SMG1: variants seen among roughly 807,000 people sequenced by gnomAD.
SMG1 encodes serine/threonine-protein kinase SMG1.
SMG1 carries 22 observed loss-of-function variants against 419.9 expected under a neutral mutation model. The ratio of observed to expected loss-of-function variants is 0.05; its 90% CI spans 0.04 to 0.07. The LOEUF (loss-of-function observed/expected upper bound fraction) is 0.07, where lower values mean the gene tolerates loss of function less well. Among genes scored for constraint, SMG1 ranks in the 10% least tolerant of loss-of-function variants. The probability of loss-of-function intolerance (pLI) is 1.00; values close to 1 mark genes in which losing one functional copy is unlikely to be tolerated. For synonymous variants in SMG1, 1,538 were observed against 1,553.5 expected, an observed-to-expected ratio of 0.99 and a Z score of 0.23; for missense variants, 3,185 against 4,342.0, an observed-to-expected ratio of 0.73 and a Z score of 7.49.
chr16:18,921,177 T>G (rs987726356), intron 1 of SMG1, among the ~76,000 whole-genome samples: 2 of 123,774 alleles, frequency 1.6e-5, no homozygotes, highest in African/African-American at 6.1e-5. Flanking sequence ...AGAGGAAAAA[T>G]AAATAAATTA....
intron 6 of SMG1, among the ~76,000 whole-genome samples, chr16:18,885,897 G>C (rs2036592159): frequency 6.6e-6 from 1 of 151,912 alleles, no homozygotes. Context: ...AGTGAGCTGA[G>C]ATTGCACTGC....
intron 22 of SMG1, among the ~76,000 whole-genome samples, 159 bp from the exon 23 acceptor site, chr16:18,866,934 T>C (rs2035543403): frequency 6.6e-6 from 1 of 152,162 alleles, no homozygotes; most frequent in Admixed American, 6.5e-5. Context: ...TTTAAAATGT[T>C]ACATATAAAA....
chr16:18,884,522 T>C (rs1380510149), intron 8 of SMG1, among the ~76,000 whole-genome samples: 1 of 152,186 alleles, frequency 6.6e-6, no homozygotes, highest in Non-Finnish European at 1.5e-5. Flanking sequence ...ATTAAAGGTG[T>C]ATACTCATCT....
intron 1 of SMG1, among the ~76,000 whole-genome samples, chr16:18,914,303 A>G (rs1198895464): frequency 1.3e-5 from 2 of 152,196 alleles, no homozygotes; most frequent in African/African-American, 2.4e-5. Context: ...ATGAATATGA[A>G]TATCAACAGG....
rs1407927773 is a variant in SMG1, at chr16:18,863,681, G to C, written c.3664C>G (p.Leu1222Val). The change falls in exon 25 of 63, where the codon CTC becomes GTC. Residue 1222 changes from leucine (L) to valine (V), a missense_variant. By Grantham distance (32) the Leu-to-Val change is conservative (BLOSUM62 1). Coordinates refer to ENST00000446231, the MANE Select transcript of SMG1 (RefSeq NM_015092.5). ...DLKKSTSSTS[L>V]NLKADFNYIK... ...TAGTTGAAGTCAGCTTTCAGGTTGA[G>C]GGAAGTGCTACTGGTACTCTTTTTC... The C allele has an allele frequency of 2.5e-5, 40 of 1,595,074 alleles. No individual in the cohort carries two copies. Among genetic ancestry groups the C allele is most frequent in the Non-Finnish European group, 3.4e-5 (40 of 1,178,656 alleles).
chr16:18,811,608 C>T (rs2606557), intron 62 of SMG1, among the ~76,000 whole-genome samples, 153 bp downstream of exon 62: 2,380 of 152,256 alleles, frequency 0.016, 62 homozygotes, highest in African/African-American at 0.054. Flanking sequence ...TACTTGACGA[C>T]GCCAGAGCTG....
At chr16:18,892,517 A>G (rs2036928814) in intron 3 of SMG1, among the ~76,000 whole-genome samples, 163 bp from the exon 4 acceptor site, 2 of 152,166 alleles carry the variant, frequency 1.3e-5, no homozygotes, top group Admixed American at 1.3e-4. Flanking sequence ...TGAGTTCAGG[A>G]GTTTGAGACC....
At chr16:18,924,660 TA>T (rs770358041) in intron 1 of SMG1, among the ~76,000 whole-genome samples, 19 of 152,222 alleles carry the variant, frequency 1.2e-4, no homozygotes, top group East Asian at 1.9e-4. Context: ...TATCGAACAA[TA>T]TTTTTTTTTT....
intron 56 of SMG1, among the ~76,000 whole-genome samples, chr16:18,818,178 T>C (rs576033533): frequency 1.3e-4 from 20 of 150,910 alleles, no homozygotes; most frequent in Non-Finnish European, 2.7e-4. Context: ...AGGTCAGGAG[T>C]TCGAAACTAA....
intron 11 of SMG1, chr16:18,878,821 A>T (rs2141684020): frequency 6.5e-6 from 1 of 153,542 alleles, no homozygotes; most frequent in South Asian, 2.0e-4. Flanking sequence ...CAGCCTGGGT[A>T]ACATGGCAAA....
At chr16:18,900,858 T>G (rs1286587967) in intron 1 of SMG1, among the ~76,000 whole-genome samples, 1 of 152,190 alleles carries the variant, frequency 6.6e-6, no homozygotes, top group African/African-American at 2.4e-5. Context: ...AAAAATAAAT[T>G]CAAGGTTTTC....
intron 56 of SMG1, 111 bp downstream of exon 56, chr16:18,819,391 G>A: frequency 8.5e-7 from 1 of 1,170,918 alleles, no homozygotes; most frequent in Non-Finnish European, 1.2e-6. Context: ...CCAGGGCTGT[G>A]AGCCAGAACG....
At chr16:18,835,850 G>C (rs2033529545) in intron 48 of SMG1, 83 bp downstream of exon 48, 9 of 1,376,616 alleles carry the variant, frequency 6.5e-6, no homozygotes, top group Non-Finnish European at 8.9e-6. Context: ...AGTGAGCCAA[G>C]ATCATGCCAC....
At chr16:18,900,413 T>C (rs904817196) in intron 1 of SMG1, among the ~76,000 whole-genome samples, 1 of 152,108 alleles carries the variant, frequency 6.6e-6, no homozygotes, top group African/African-American at 2.4e-5. Context: ...ACACCAACAA[T>C]CCACCATGTG....
chr16:18,884,205 G>A (rs574199030), intron 8 of SMG1, 38 bp from the exon 9 acceptor site: 1 of 1,041,914 alleles, frequency 9.6e-7, no homozygotes, highest in Non-Finnish European at 1.4e-6. Context: ...GGGTAGGGGG[G>A]AAAAAAACAC....
chr16:18,817,524 G>A (rs1237681848), intron 56 of SMG1, 54 bp from the exon 57 acceptor site: 2 of 1,388,136 alleles, frequency 1.4e-6, no homozygotes, highest in African/African-American at 1.5e-5. Flanking sequence ...GTGGGAAAGG[G>A]AGGTGGCAAT....
intron 45 of SMG1, 61 bp from the exon 46 acceptor site, chr16:18,837,504 G>C: frequency 7.1e-7 from 1 of 1,409,754 alleles, no homozygotes; most frequent in Non-Finnish European, 9.7e-7. Context: ...ACACAACAGT[G>C]TCAGAAGAAC....
chr16:18,833,840 T>A (rs2033372566), intron 50 of SMG1, among the ~76,000 whole-genome samples: 1 of 152,224 alleles, frequency 6.6e-6, no homozygotes, highest in South Asian at 2.1e-4. Context: ...AATGTCTAGC[T>A]TTCTTTACTC....
intron 39 of SMG1, among the ~76,000 whole-genome samples, chr16:18,843,200 C>A (rs2034025098): frequency 6.6e-6 from 1 of 152,174 alleles, no homozygotes; most frequent in South Asian, 2.1e-4. Context: ...AAGTTATTAA[C>A]CTTAAATTAC....
Sources: gnomAD v4.1 joint callset for allele counts (sites outside exome capture counted in the v4.1 genomes callset) on GRCh38, gnomAD v4.1.1 for gene constraint, MANE v1.5 for transcripts, NCBI Gene and HGNC (gene_info 2026-07-23, HGNC 2026-07-21) for gene names.